ST8SIA1: variants seen among roughly 807,000 people sequenced by gnomAD.
ST8SIA1 encodes the protein ST8 alpha-N-acetyl-neuraminide alpha-2,8-sialyltransferase 1, also known as alpha-N-acetylneuraminide alpha-2,8-sialyltransferase.
Under a neutral mutation model 35.9 loss-of-function variants are expected in ST8SIA1, and 16 were observed. The observed-to-expected ratio is 0.45, with a 90% confidence interval of 0.30 to 0.68. The LOEUF is 0.68. Among genes scored for constraint, ST8SIA1 ranks in the 30% least tolerant of loss-of-function variants. ST8SIA1 has a pLI of 0.09. For synonymous variants in ST8SIA1, 170 were observed against 169.6 expected (o/e 1.00, Z -0.02); for missense variants, 383 against 453.6 (o/e 0.84, Z 1.41).
chr12:22,249,508 C>A (rs1865644876), intron 3 of ST8SIA1, among the ~76,000 whole-genome samples: 1 of 152,122 alleles, frequency 6.6e-6, no homozygotes, highest in Non-Finnish European at 1.5e-5. Context: ...GCGTGAGCCA[C>A]TGCACCCAGC....
At chr12:22,245,860 G>A (rs1865594835) in intron 4 of ST8SIA1, among the ~76,000 whole-genome samples, 1 of 152,136 alleles carries the variant, frequency 6.6e-6, no homozygotes. Context: ...TGCTAATGAA[G>A]CCTCCATAAA....
At chr12:22,202,773 G>A (rs998793935) in intron 4 of ST8SIA1, among the ~76,000 whole-genome samples, 1 of 152,182 alleles carries the variant, frequency 6.6e-6, no homozygotes. Flanking sequence ...GAAAGAGGGA[G>A]TGTGGTCCAA....
chr12:22,272,822 A>T (rs1410813836), intron 2 of ST8SIA1, among the ~76,000 whole-genome samples: 1 of 152,158 alleles, frequency 6.6e-6, no homozygotes, highest in Admixed American at 6.5e-5. Context: ...CTGTCACTGC[A>T]CTCTGCCATT....
At chr12:22,231,087 T>C (rs1865414556) in intron 4 of ST8SIA1, among the ~76,000 whole-genome samples, 1 of 149,138 alleles carries the variant, frequency 6.7e-6, no homozygotes, top group Non-Finnish European at 1.5e-5. Context: ...AGTATTTAAA[T>C]ATATAATTAT....
intron 4 of ST8SIA1, among the ~76,000 whole-genome samples, chr12:22,226,929 CTTTT>C (rs937960261): frequency 2.0e-5 from 3 of 151,920 alleles, no homozygotes; most frequent in African/African-American, 7.2e-5. Context: ...TCCTCTGAGT[CTTTT>C]TTGTTTGTTT....
chr12:22,212,474 C>T (rs1258668194), intron 4 of ST8SIA1, among the ~76,000 whole-genome samples: 4 of 152,162 alleles, frequency 2.6e-5, no homozygotes, highest in African/African-American at 9.7e-5. Flanking sequence ...ATACTTTCCT[C>T]CTCCATACCT....
chr12:22,266,874 C>T (rs370538729), intron 2 of ST8SIA1, among the ~76,000 whole-genome samples: 2 of 149,568 alleles, frequency 1.3e-5, no homozygotes, highest in Non-Finnish European at 3.0e-5. Flanking sequence ...CACACACACA[C>T]ACACACATAT....
chr12:22,316,821 A>C (rs1314185713), intron 1 of ST8SIA1, among the ~76,000 whole-genome samples: 1 of 152,222 alleles, frequency 6.6e-6, no homozygotes, highest in Non-Finnish European at 1.5e-5. Context: ...TGCCCCTCGC[A>C]GGAAAAGAGA....
At chr12:22,294,561 T>C (rs1866220436) in intron 1 of ST8SIA1, among the ~76,000 whole-genome samples, 1 of 152,236 alleles carries the variant, frequency 6.6e-6, no homozygotes, top group South Asian at 2.1e-4. Flanking sequence ...AAAACAACTC[T>C]TATCCACTAC....
intron 1 of ST8SIA1, among the ~76,000 whole-genome samples, chr12:22,299,489 C>T (rs1326716732): frequency 6.6e-6 from 1 of 151,940 alleles, no homozygotes; most frequent in Non-Finnish European, 1.5e-5. Flanking sequence ...CCAAGCATGT[C>T]ATGAATAGTC....
intron 4 of ST8SIA1, among the ~76,000 whole-genome samples, chr12:22,209,874 T>C (rs1375113965): frequency 6.6e-6 from 1 of 152,226 alleles, no homozygotes; most frequent in Non-Finnish European, 1.5e-5. Context: ...TACATATACA[T>C]GTCTTCATTT....
At chr12:22,315,948 C>A (rs1029641971) in intron 1 of ST8SIA1, among the ~76,000 whole-genome samples, 34 of 151,862 alleles carry the variant, frequency 2.2e-4, no homozygotes, top group African/African-American at 7.7e-4. Context: ...GTGTAACAAA[C>A]CTGCACATCC....
chr12:22,266,254 C>T (rs1469731634), intron 2 of ST8SIA1, among the ~76,000 whole-genome samples: 1 of 151,648 alleles, frequency 6.6e-6, no homozygotes, highest in Non-Finnish European at 1.5e-5. Context: ...GCAAGGAATG[C>T]TAAAAAAAAC....
chr12:22,246,252 C>T (rs1865600068), intron 4 of ST8SIA1, among the ~76,000 whole-genome samples: 1 of 151,972 alleles, frequency 6.6e-6, no homozygotes, highest in Non-Finnish European at 1.5e-5. Context: ...TTGGAGATAC[C>T]CCGCTGGTGT....
rs1865041544 is a variant in ST8SIA1 at position 22,200,850 on chromosome 12, T to TC, written c.*701dup. ...TGAGGAAGGAAAGTGGCTCCTGTTATCCAGACTATGAAGCAACACAGTCTA... is the reference window on the plus strand; with the variant it reads ...TGAGGAAGGAAAGTGGCTCCTGTTATCCCAGACTATGAAGCAACACAGTCTA... On this transcript the variant is annotated 3_prime_UTR_variant, in exon 5 of 5. Coordinates refer to ENST00000396037, the MANE Select transcript of ST8SIA1 (RefSeq NM_003034.4). The TC allele has an allele frequency of 6.6e-6, 1 of 152,142 alleles. No homozygotes were observed. Among genetic ancestry groups the TC allele is most frequent in the African/African-American group, 2.4e-5 (1 of 41,434 alleles). 9.4% of individuals were successfully genotyped at this position (152,142 alleles called of 1,614,324 possible). A position where few individuals can be genotyped will look rare whatever the true frequency, so the allele number is the denominator to read the frequency against.
At chr12:22,203,045 CAGCAGTG>C (rs1865067155) in intron 4 of ST8SIA1, among the ~76,000 whole-genome samples, 2 of 152,154 alleles carry the variant, frequency 1.3e-5, no homozygotes. Flanking sequence ...GAAATCTTCA[CAGCAGTG>C]ACTGCTTACA....
intron 1 of ST8SIA1, 147 bp from the exon 2 acceptor site, chr12:22,287,440 T>A: frequency 1.6e-6 from 1 of 617,688 alleles, no homozygotes. Flanking sequence ...AGACTACTAT[T>A]AATTCACTCT....
At chr12:22,284,531 G>A (rs1866074088) in intron 2 of ST8SIA1, among the ~76,000 whole-genome samples, 1 of 152,094 alleles carries the variant, frequency 6.6e-6, no homozygotes, top group African/African-American at 2.4e-5. Flanking sequence ...TTTTTCCAGT[G>A]ATGCAAACTG....
chr12:22,230,180 C>A (rs1865402784), intron 4 of ST8SIA1, among the ~76,000 whole-genome samples: 1 of 152,162 alleles, frequency 6.6e-6, no homozygotes, highest in Admixed American at 6.5e-5. Context: ...GTTATGAAAT[C>A]TTTGCCTTCT....
Sources: allele counts gnomAD v4.1 joint callset (sites outside exome capture counted in the v4.1 genomes callset), GRCh38; gene constraint gnomAD v4.1.1; transcripts MANE v1.5; gene names NCBI Gene and HGNC (gene_info 2026-07-23, HGNC 2026-07-21).